CSMD3: variants seen among roughly 807,000 people sequenced by gnomAD.
CSMD3 encodes the protein CUB and sushi domain-containing protein 3.
Under a neutral mutation model 435.2 loss-of-function variants are expected in CSMD3, and 177 were observed. The observed-to-expected ratio is 0.41, with a 90% CI of 0.36 to 0.46. The LOEUF is 0.46. CSMD3 is among the 20% of genes least tolerant of loss of function. CSMD3 has a pLI of 0.34. For missense variants in CSMD3, 4,265 were observed against 4,504.6 expected (o/e 0.95, Z 1.52); for synonymous variants, 1,656 against 1,520.5 (o/e 1.09, Z -2.07).
chr8:112,616,186 T>C (rs1012525155), intron 22 of CSMD3, among the ~76,000 whole-genome samples: 7 of 152,118 alleles, frequency 4.6e-5, no homozygotes, highest in African/African-American at 1.2e-4. Context: ...AGTGCCAAAT[T>C]TGTGGTTGCT....
chr8:112,702,334 G>A (rs989220003), intron 13 of CSMD3, among the ~76,000 whole-genome samples: 1 of 152,078 alleles, frequency 6.6e-6, no homozygotes, highest in South Asian at 2.1e-4. Context: ...GTTGTGGAAT[G>A]TATAAAGAAG....
At chr8:112,975,326 C>T (rs1336695281) in intron 7 of CSMD3, among the ~76,000 whole-genome samples, 3 of 152,056 alleles carry the variant, frequency 2.0e-5, no homozygotes, top group East Asian at 1.9e-4. Flanking sequence ...CTATGTAAAA[C>T]GATCACCAGA....
chr8:113,342,813 C>A (rs1455317702), intron 1 of CSMD3, among the ~76,000 whole-genome samples: 3 of 151,802 alleles, frequency 2.0e-5, no homozygotes, highest in Non-Finnish European at 4.4e-5. Context: ...CAAGAATTAG[C>A]ACTCTTCTAA....
At chr8:113,358,073 T>A (rs568244615) in intron 1 of CSMD3, among the ~76,000 whole-genome samples, 1 of 152,140 alleles carries the variant, frequency 6.6e-6, no homozygotes, top group Non-Finnish European at 1.5e-5. Flanking sequence ...ACATCACAAA[T>A]CTAGTTAATG....
rs1334658323 is a variant in CSMD3, at chr8:112,816,129, C to T, written c.1859+13557G>A. Among the ~76,000 whole-genome samples the T allele has an allele frequency of 3.3e-5, 5 of 152,138 alleles. No individual in the cohort carries two copies. In the South Asian group the frequency reaches 1.0e-3, roughly 31 times the overall value. ...ACTAATATTTACAAAGATACCCTTT[C>T]TGTTGACATGTCTCAGCAGATGTGT... On this transcript the variant is annotated intron_variant, in intron 12 of 70. Coordinates refer to ENST00000297405, the MANE Select transcript of CSMD3 (RefSeq NM_198123.2).
At chr8:113,251,700 A>T (rs1430834183) in intron 3 of CSMD3, among the ~76,000 whole-genome samples, 1 of 152,032 alleles carries the variant, frequency 6.6e-6, no homozygotes, top group African/African-American at 2.4e-5. Context: ...GGGAGCATTA[A>T]TTTAAACACA....
chr8:112,470,229 G>T, intron 32 of CSMD3, among the ~76,000 whole-genome samples: 1 of 152,072 alleles, frequency 6.6e-6, no homozygotes, highest in East Asian at 1.9e-4. Context: ...ACAAATAATT[G>T]TTTTATTTTA....
intron 1 of CSMD3, among the ~76,000 whole-genome samples, chr8:113,327,720 G>C (rs1354672706): frequency 6.6e-6 from 1 of 151,642 alleles, no homozygotes; most frequent in Non-Finnish European, 1.5e-5. Context: ...TATTTGGCCT[G>C]ACATGGAGAT....
chr8:113,337,546 A>G (rs1563717961), intron 1 of CSMD3, among the ~76,000 whole-genome samples: 1 of 152,182 alleles, frequency 6.6e-6, no homozygotes, highest in Non-Finnish European at 1.5e-5. Flanking sequence ...AAAAATACAT[A>G]GAAGTAAAAC....
intron 22 of CSMD3, among the ~76,000 whole-genome samples, chr8:112,605,369 A>G (rs1330030492): frequency 6.6e-6 from 1 of 152,222 alleles, no homozygotes; most frequent in African/African-American, 2.4e-5. Context: ...AAGACATGGA[A>G]TCAACCTAGA....
intron 52 of CSMD3, among the ~76,000 whole-genome samples, chr8:112,302,687 A>G (rs1426538287): frequency 2.6e-5 from 4 of 151,952 alleles, no homozygotes; most frequent in African/African-American, 9.7e-5. Flanking sequence ...TGTAATGCTC[A>G]AAACAACTCT....
chr8:112,957,501 T>TC (rs796527359), intron 7 of CSMD3, among the ~76,000 whole-genome samples: 1 of 152,218 alleles, frequency 6.6e-6, no homozygotes, highest in African/African-American at 2.4e-5. Context: ...TCGCCCAGGC[T>TC]GGAGTGCAGT....
chr8:112,905,698 C>T (rs2082243305), intron 10 of CSMD3, among the ~76,000 whole-genome samples: 1 of 151,398 alleles, frequency 6.6e-6, no homozygotes, highest in Non-Finnish European at 1.5e-5. Flanking sequence ...GATACTTGGT[C>T]CTATCCCTTT....
chr8:112,987,006 A>G (rs1391981389), intron 6 of CSMD3, among the ~76,000 whole-genome samples: 5 of 152,066 alleles, frequency 3.3e-5, no homozygotes, highest in African/African-American at 9.7e-5. Context: ...GTATATATGT[A>G]TATATCTATA....
intron 5 of CSMD3, among the ~76,000 whole-genome samples, chr8:113,087,917 C>T (rs1164257999): frequency 6.6e-6 from 1 of 151,872 alleles, no homozygotes; most frequent in Non-Finnish European, 1.5e-5. Context: ...TCAGAGTGAA[C>T]AGGCAACCTA....
At chr8:112,963,802 G>A (rs540276239) in intron 7 of CSMD3, among the ~76,000 whole-genome samples, 23 of 151,978 alleles carry the variant, frequency 1.5e-4, no homozygotes, top group African/African-American at 4.3e-4. Context: ...TTATACATGA[G>A]AGCAATATGA....
At chr8:113,207,787 A>G (rs1356088164) in intron 3 of CSMD3, among the ~76,000 whole-genome samples, 1 of 152,190 alleles carries the variant, frequency 6.6e-6, no homozygotes, top group Non-Finnish European at 1.5e-5. Context: ...TTAAGAGTAT[A>G]GGGAGGATCC....
chr8:113,077,415 AG>A (rs2089387627), intron 5 of CSMD3, among the ~76,000 whole-genome samples: 1 of 152,158 alleles, frequency 6.6e-6, no homozygotes, highest in Non-Finnish European at 1.5e-5. Flanking sequence ...TTATATAAAA[AG>A]CTCTAAGAAT....
intron 31 of CSMD3, among the ~76,000 whole-genome samples, chr8:112,483,476 CCA>C (rs1819825881): frequency 6.6e-6 from 1 of 151,988 alleles, no homozygotes; most frequent in African/African-American, 2.4e-5. Flanking sequence ...GAGTGAGACT[CCA>C]CCTCGAAAAA....
Sources: gnomAD v4.1 joint callset for allele counts (sites outside exome capture counted in the v4.1 genomes callset) on GRCh38, gnomAD v4.1.1 for gene constraint, MANE v1.5 for transcripts, NCBI Gene and HGNC (gene_info 2026-07-23, HGNC 2026-07-21) for gene names.